HCN1: variants seen among roughly 807,000 people sequenced by gnomAD.
HCN1 encodes the protein potassium/sodium hyperpolarization-activated cyclic nucleotide-gated channel 1.
In HCN1, 13 loss-of-function variants were observed where a neutral mutation model predicts 78.9. The ratio of observed to expected loss-of-function variants is 0.16; its 90% CI spans 0.11 to 0.26. The LOEUF is 0.26. Ranked by LOEUF, HCN1 falls within the 10% of genes least tolerant of loss-of-function variation. The probability of loss-of-function intolerance (pLI) is 1.00; values close to 1 mark genes in which losing one functional copy is unlikely to be tolerated. For missense variants in HCN1, 810 were observed against 1,154.3 expected, an observed-to-expected ratio of 0.70 and a Z score of 4.32; for synonymous variants, 552 against 455.5, an observed-to-expected ratio of 1.21 and a Z score of -2.70.
chr5:45,469,387 A>C (rs2111646293), intron 2 of HCN1, among the ~76,000 whole-genome samples: 1 of 152,112 alleles, frequency 6.6e-6, no homozygotes, highest in African/African-American at 2.4e-5. Context: ...ACTCTAAAAA[A>C]CAGACTAAAA....
At chr5:45,278,498 G>T (rs1340365665) in intron 6 of HCN1, among the ~76,000 whole-genome samples, 21 of 151,928 alleles carry the variant, frequency 1.4e-4, no homozygotes, top group Non-Finnish European at 1.3e-4. Context: ...AATATCTGTT[G>T]ATTTTTTTCC....
intron 2 of HCN1, among the ~76,000 whole-genome samples, chr5:45,565,377 A>T (rs1743686293): frequency 6.6e-6 from 1 of 152,170 alleles, no homozygotes; most frequent in South Asian, 2.1e-4. Context: ...ACACACTAAT[A>T]GTTTTCCCTA....
intron 5 of HCN1, among the ~76,000 whole-genome samples, chr5:45,345,043 G>A (rs568277458): frequency 2.6e-5 from 4 of 152,302 alleles, no homozygotes; most frequent in South Asian, 2.1e-4. Context: ...TACATCCTCT[G>A]AAATCTAGGT....
intron 2 of HCN1, among the ~76,000 whole-genome samples, chr5:45,519,536 C>T (rs544090414): frequency 6.6e-6 from 1 of 152,086 alleles, no homozygotes; most frequent in Non-Finnish European, 1.5e-5. Flanking sequence ...AAATGACAAG[C>T]AGTGAGTATT....
At chr5:45,622,205 T>TAA (rs35243375) in intron 2 of HCN1, among the ~76,000 whole-genome samples, 3 of 143,176 alleles carry the variant, frequency 2.1e-5, no homozygotes, top group African/African-American at 7.7e-5. Context: ...GACTTCGTCT[T>TAA]AAAAAAAAAA....
At chr5:45,387,592 T>C (rs1321611239) in intron 4 of HCN1, among the ~76,000 whole-genome samples, 1 of 152,094 alleles carries the variant, frequency 6.6e-6, no homozygotes, top group African/African-American at 2.4e-5. Context: ...AGATAATGCA[T>C]TCCAACATTT....
chr5:45,371,594 T>C (rs959727762), intron 4 of HCN1, among the ~76,000 whole-genome samples: 2 of 150,840 alleles, frequency 1.3e-5, no homozygotes, highest in East Asian at 4.0e-4. Flanking sequence ...CTGTCTCTAT[T>C]AAAAACATAA....
At chr5:45,602,004 T>C (rs762426230) in intron 2 of HCN1, among the ~76,000 whole-genome samples, 1 of 151,932 alleles carries the variant, frequency 6.6e-6, no homozygotes, top group East Asian at 1.9e-4. Flanking sequence ...GTGTGTTAGA[T>C]CTCACAAGAT....
At chr5:45,622,430 C>T (rs576057555) in intron 2 of HCN1, among the ~76,000 whole-genome samples, 23 of 152,126 alleles carry the variant, frequency 1.5e-4, no homozygotes, top group African/African-American at 5.5e-4. Flanking sequence ...TCAAAATTCA[C>T]CATTAAAGTC....
intron 2 of HCN1, among the ~76,000 whole-genome samples, chr5:45,527,875 G>A (rs1742771350): frequency 6.6e-6 from 1 of 150,540 alleles, no homozygotes; most frequent in African/African-American, 2.4e-5. Context: ...AAGGTGACAT[G>A]GTCAGTAATG....
intron 6 of HCN1, among the ~76,000 whole-genome samples, chr5:45,293,363 C>T (rs753816445): frequency 2.0e-5 from 3 of 151,876 alleles, no homozygotes; most frequent in Non-Finnish European, 4.4e-5. Context: ...ATTAGCCAGG[C>T]ATGGTGGTAT....
chr5:45,316,773 GACAA>G (rs1230803229), intron 5 of HCN1, among the ~76,000 whole-genome samples: 4 of 152,128 alleles, frequency 2.6e-5, no homozygotes, highest in South Asian at 2.1e-4. Context: ...ACCAATAACA[GACAA>G]ACAGAGAGCC....
intron 3 of HCN1, among the ~76,000 whole-genome samples, chr5:45,397,039 G>A (rs1739700833): frequency 2.6e-5 from 4 of 152,154 alleles, no homozygotes; most frequent in Admixed American, 2.6e-4. Flanking sequence ...TCAAGGAAAT[G>A]TGGTCAAATA....
At chr5:45,393,591 T>G (rs1739627080) in intron 4 of HCN1, among the ~76,000 whole-genome samples, 1 of 152,164 alleles carries the variant, frequency 6.6e-6, no homozygotes, top group Non-Finnish European at 1.5e-5. Flanking sequence ...GGCATGAAGG[T>G]CAAAGATGGC....
At chr5:45,643,780 G>A (rs984978989) in intron 2 of HCN1, 2 of 152,104 alleles carry the variant, frequency 1.3e-5, no homozygotes, top group Non-Finnish European at 1.5e-5. Context: ...CATACTAGCT[G>A]ACGTGTAATA....
intron 3 of HCN1, among the ~76,000 whole-genome samples, chr5:45,418,362 A>T (rs1424289820): frequency 6.6e-6 from 1 of 150,656 alleles, no homozygotes; most frequent in Non-Finnish European, 1.5e-5. Context: ...CCTCCTTCAT[A>T]AATATGATGA....
At chr5:45,545,303 T>C (rs1355353877) in intron 2 of HCN1, among the ~76,000 whole-genome samples, 4 of 152,206 alleles carry the variant, frequency 2.6e-5, no homozygotes, top group Non-Finnish European at 5.9e-5. Context: ...GTTTGATTTT[T>C]TTCTTATAAA....
At chr5:45,672,587 A>G (rs1174785796) in intron 1 of HCN1, among the ~76,000 whole-genome samples, 2 of 151,306 alleles carry the variant, frequency 1.3e-5, no homozygotes, top group African/African-American at 2.4e-5. Flanking sequence ...AAAAAACTAA[A>G]GTAGATTTTG....
At chr5:45,398,768 G>T (rs1278406316) in intron 3 of HCN1, among the ~76,000 whole-genome samples, 1 of 151,968 alleles carries the variant, frequency 6.6e-6, no homozygotes, top group Non-Finnish European at 1.5e-5. Context: ...GTTAATAATT[G>T]GTTTAATTTA....
Sources: gnomAD v4.1 joint callset for allele counts (sites outside exome capture counted in the v4.1 genomes callset) on GRCh38, gnomAD v4.1.1 for gene constraint, MANE v1.5 for transcripts, NCBI Gene and HGNC (gene_info 2026-07-23, HGNC 2026-07-21) for gene names.